Variants in DOCK2 observed in about 807,000 individuals in gnomAD.
The protein encoded by DOCK2 is dedicator of cytokinesis protein 2.
A neutral mutation model predicts 248.9 loss-of-function variants in DOCK2; 87 were observed. The observed-to-expected ratio is 0.35, with a 90% CI of 0.29 to 0.42. The LOEUF is 0.42. Among genes scored for constraint, DOCK2 ranks in the 10% least tolerant of loss-of-function variants. The pLI, the probability that DOCK2 is intolerant of heterozygous loss-of-function variation, is 1.00. For synonymous variants in DOCK2, 805 were observed against 821.6 expected (o/e 0.98, Z 0.35); for missense variants, 1,747 against 2,300.2 (o/e 0.76, Z 4.92).
intron 1 of DOCK2, among the ~76,000 whole-genome samples, chr5:169,651,014 C>T (rs563024732): frequency 6.6e-6 from 1 of 152,180 alleles, no homozygotes; most frequent in Non-Finnish European, 1.5e-5. Context: ...ATTTCTTCCT[C>T]TTGTTTTTCT....
intron 50 of DOCK2, 28 bp from the exon 51 acceptor site, chr5:170,081,814 T>C: frequency 1.3e-6 from 2 of 1,581,254 alleles, no homozygotes; most frequent in South Asian, 2.3e-5. Flanking sequence ...ACCCACCCAT[T>C]CACACCCCAG....
chr5:169,756,158 T>C (rs1764184256), intron 23 of DOCK2, among the ~76,000 whole-genome samples: 1 of 152,212 alleles, frequency 6.6e-6, no homozygotes, highest in Non-Finnish European at 1.5e-5. Context: ...ATGGCCTACC[T>C]GGAGTGGGAG....
intron 26 of DOCK2, among the ~76,000 whole-genome samples, chr5:169,819,606 G>A (rs1354672384): frequency 1.3e-5 from 2 of 152,308 alleles, no homozygotes; most frequent in Non-Finnish European, 2.9e-5. Context: ...GGGTGACAGA[G>A]CAAGACCCTG....
intron 27 of DOCK2, among the ~76,000 whole-genome samples, chr5:169,852,312 C>A (rs1409012621): frequency 6.6e-6 from 1 of 152,132 alleles, no homozygotes. Context: ...TATTTCCTGG[C>A]AGTGGAAGAG....
intron 27 of DOCK2, among the ~76,000 whole-genome samples, chr5:169,855,621 T>C (rs1770849074): frequency 6.6e-6 from 1 of 151,792 alleles, no homozygotes; most frequent in Admixed American, 6.6e-5. Flanking sequence ...GGGTGGAAAA[T>C]GGTAAGAGAA....
intron 6 of DOCK2, 145 bp downstream of exon 6, chr5:169,674,590 C>T (rs552925477): frequency 2.8e-5 from 36 of 1,278,536 alleles, no homozygotes; most frequent in Admixed American, 7.3e-5. Context: ...GCTGTGCTTG[C>T]GTGCCGTTGT....
chr5:169,758,266 T>C (rs751491631), intron 23 of DOCK2, among the ~76,000 whole-genome samples: 2 of 152,174 alleles, frequency 1.3e-5, no homozygotes, highest in Non-Finnish European at 2.9e-5. Flanking sequence ...TATATTTACA[T>C]ACACACACAT....
At chr5:169,862,009 G>A (rs1298829108) in intron 27 of DOCK2, among the ~76,000 whole-genome samples, 2 of 151,362 alleles carry the variant, frequency 1.3e-5, no homozygotes, top group Non-Finnish European at 2.9e-5. Context: ...ATTCAGTTAA[G>A]GGTTCATGTG....
At chr5:169,692,063 C>G (rs2113413646) in intron 9 of DOCK2, among the ~76,000 whole-genome samples, 1 of 152,118 alleles carries the variant, frequency 6.6e-6, no homozygotes, top group African/African-American at 2.4e-5. Context: ...ACCATGTTGG[C>G]CAGGATGGTC....
At position 170,034,570 on chromosome 5, in the gene DOCK2, C is replaced by T. The variant is rs368876923; in HGVS notation, c.3624+15C>T. 45 of 1,613,236 alleles carry T rather than the reference C, an allele frequency of 2.8e-5. No homozygotes were observed. The highest frequency in any genetic ancestry group is 1.5e-4 in the Admixed American group (9 of 59,966). The stretch of plus-strand genomic sequence containing the variant: ...TGAACCTGCTGGTGCGTGGGGCTGG[C>T]GGGTCCAAGTCAGACCAGAACCCTG... On this transcript the variant is annotated intron_variant, in intron 35 of 51. Coordinates refer to ENST00000520908, the MANE Select transcript of DOCK2 (RefSeq NM_004946.3).
intron 26 of DOCK2, among the ~76,000 whole-genome samples, chr5:169,833,952 G>T (rs1769399558): frequency 6.6e-6 from 1 of 151,716 alleles, no homozygotes; most frequent in African/African-American, 2.4e-5. Flanking sequence ...CTACTCACAT[G>T]CTCAGTCAGT....
intron 27 of DOCK2, among the ~76,000 whole-genome samples, chr5:169,863,006 A>G (rs1012683514): frequency 6.6e-6 from 1 of 152,242 alleles, no homozygotes; most frequent in Non-Finnish European, 1.5e-5. Flanking sequence ...TTCAACCAGA[A>G]GGAATCTGAG....
At chr5:169,728,813 TTTCATAC>T (rs35528708) in intron 22 of DOCK2, among the ~76,000 whole-genome samples, 23,380 of 151,966 alleles carry the variant, frequency 0.15, 2,794 homozygotes, top group African/African-American at 0.33. Flanking sequence ...CTGGGGAAAA[TTTCATAC>T]TTCACTCATA....
At chr5:169,941,582 C>T (rs535779370) in intron 27 of DOCK2, among the ~76,000 whole-genome samples, 1 of 152,282 alleles carries the variant, frequency 6.6e-6, no homozygotes, top group East Asian at 1.9e-4. Flanking sequence ...GAAAGAAGAA[C>T]CAAATCTGGC....
At chr5:170,049,874 C>A (rs1427691270) in intron 40 of DOCK2, among the ~76,000 whole-genome samples, 1 of 152,218 alleles carries the variant, frequency 6.6e-6, no homozygotes, top group Non-Finnish European at 1.5e-5. Flanking sequence ...AATGCTGAAC[C>A]ATTCCAGCCC....
chr5:169,874,875 T>C lies in DOCK2; in HGVS notation c.2799+34023T>C, dbSNP rs1031065819. 1.0e-4 allele frequency among the ~76,000 whole-genome samples: 15 copies of C among 143,946 alleles called. No individual in the cohort carries two copies. The East Asian group carries it at 2.7e-3, about 26-fold the overall frequency. 94.4% of individuals were successfully genotyped at this position (143,946 alleles called of 152,430 possible). On this transcript the variant is annotated intron_variant, in intron 27 of 51. Coordinates refer to ENST00000520908, the MANE Select transcript of DOCK2 (RefSeq NM_004946.3). ...AAAGGCCTGAGAGGGACTCCTTTTC[T>C]CTTCTCATTGGAAACAGGAGGCATC...
At chr5:169,660,761 C>T (rs546547307) in intron 2 of DOCK2, among the ~76,000 whole-genome samples, 11 of 152,278 alleles carry the variant, frequency 7.2e-5, no homozygotes, top group Admixed American at 2.6e-4. Context: ...AGGTGATAGT[C>T]TTTTGTTCAG....
rs922101658 is a variant in DOCK2 at position 169,681,633 on chromosome 5, A to G, written c.471-111A>G. 16 of 1,306,522 alleles carry G rather than the reference A, an allele frequency of 1.2e-5. No homozygotes were observed. In the East Asian group the frequency reaches 1.7e-4, roughly 14 times the overall value. The allele number at this position is 1,306,522 out of a possible 1,614,324, so 80.9% of individuals were successfully genotyped here. On this transcript the variant is annotated intron_variant, in intron 6 of 51. Coordinates refer to ENST00000520908, the MANE Select transcript of DOCK2 (RefSeq NM_004946.3). ...CAGGCTATCAGTGTAGAGCTCTTCT[A>G]TGTGACTATATGACCCCCAGAAATC...
At chr5:169,823,519 C>T (rs1418173636) in intron 26 of DOCK2, among the ~76,000 whole-genome samples, 1 of 152,126 alleles carries the variant, frequency 6.6e-6, no homozygotes, top group African/African-American at 2.4e-5. Flanking sequence ...AAGACAAAAA[C>T]CACATGACTG....
Sources: gnomAD v4.1 joint callset for allele counts (sites outside exome capture counted in the v4.1 genomes callset) on GRCh38, gnomAD v4.1.1 for gene constraint, MANE v1.5 for transcripts, NCBI Gene and HGNC (gene_info 2026-07-23, HGNC 2026-07-21) for gene names.